PRCP: variants seen among roughly 807,000 people sequenced by gnomAD.
PRCP encodes the protein prolylcarboxypeptidase.
In PRCP, 46 loss-of-function variants were observed where a neutral mutation model predicts 54.2. The observed-to-expected ratio is 0.85, with a 90% CI of 0.67 to 1.09. The LOEUF is 1.09. Ranked by LOEUF, PRCP falls within the 50% of genes least tolerant of loss-of-function variation. The pLI is 0.00. For missense variants in PRCP, 613 were observed against 596.8 expected (o/e 1.03, Z -0.28); for synonymous variants, 240 against 212.2 (o/e 1.13, Z -1.14).
chr11:82,875,168 G>A (rs1194203080), intron 1 of PRCP, among the ~76,000 whole-genome samples: 1 of 152,174 alleles, frequency 6.6e-6, no homozygotes, highest in Non-Finnish European at 1.5e-5. Flanking sequence ...GAACCCTATG[G>A]AGTAGAGAGG....
Position 82,825,014 on chromosome 11 carries a change from G to C in PRCP, c.1383C>G (p.Thr461=). 6.2e-7 allele frequency: 1 copy of C among 1,614,122 alleles called. No individual in the cohort carries two copies. The highest frequency in any genetic ancestry group is 8.5e-7 in the Non-Finnish European group (1 of 1,180,002). The part of the protein sequence containing the change: ...SEGAHHLDLR[T]KNALDPMSVL... ...CAGACATAGGATCCAAGGCATTCTT[G>C]GTGCGGAGATCTAAGTGGTGGGCCC... Residue 461 remains threonine (T), a synonymous_variant, in exon 9 of 9, where the codon ACC becomes ACG. Coordinates refer to ENST00000313010, the MANE Select transcript of PRCP (RefSeq NM_005040.4).
At chr11:82,854,881 A>G (rs924649185) in intron 2 of PRCP, among the ~76,000 whole-genome samples, 1 of 152,196 alleles carries the variant, frequency 6.6e-6, no homozygotes, top group Non-Finnish European at 1.5e-5. Flanking sequence ...GCTTGCAACA[A>G]CCTGATCTTA....
chr11:82,900,264 T>C lies in PRCP; in HGVS notation c.139A>G (p.Asn47Asp). The C allele has an allele frequency of 1.9e-6, 3 of 1,614,174 alleles. No homozygotes were observed. Among genetic ancestry groups the C allele is most frequent in the Non-Finnish European group, 2.5e-6 (3 of 1,180,016 alleles). The change falls in exon 1 of 9, where the codon AAC (asparagine) becomes GAC (aspartate). Residue 47 changes from asparagine (N) to aspartate (D), a missense_variant. By Grantham distance (23) the Asn-to-Asp change is conservative. Coordinates refer to ENST00000313010, the MANE Select transcript of PRCP (RefSeq NM_005040.4). ...TGTTGGAAGTAGAGAACCGAATAGTTCTTGGCTACAGCCGGGAGGGATGTG... is the reference window on the plus strand; with the variant it reads ...TGTTGGAAGTAGAGAACCGAATAGTCCTTGGCTACAGCCGGGAGGGATGTG... ...NPTSLPAVAK[N>D]YSVLYFQQKV...
chr11:82,883,573 C>T (rs1333586576), intron 1 of PRCP, among the ~76,000 whole-genome samples: 2 of 152,136 alleles, frequency 1.3e-5, no homozygotes, highest in South Asian at 2.1e-4. Context: ...TCTAAGCCTA[C>T]ACTAGCTAAG....
At chr11:82,877,218 T>C (rs1859625925) in intron 1 of PRCP, among the ~76,000 whole-genome samples, 3 of 152,250 alleles carry the variant, frequency 2.0e-5, no homozygotes, top group Admixed American at 6.5e-5. Context: ...ACTTGGGTGC[T>C]GTTAAAAGCA....
chr11:82,850,604 T>A, intron 3 of PRCP, 99 bp from the exon 4 acceptor site: 2 of 992,276 alleles, frequency 2.0e-6, no homozygotes, highest in East Asian at 2.9e-5. Flanking sequence ...GATAAGCTTT[T>A]CTCTAAATAG....
At chr11:82,856,942 A>G (rs1019932074) in intron 2 of PRCP, among the ~76,000 whole-genome samples, 2 of 150,350 alleles carry the variant, frequency 1.3e-5, no homozygotes, top group African/African-American at 4.9e-5. Context: ...AGGCTGAGGC[A>G]GGAAAATGGC....
intron 1 of PRCP, among the ~76,000 whole-genome samples, 177 bp from the exon 2 acceptor site, chr11:82,860,294 T>G (rs1172572363): frequency 6.6e-6 from 1 of 151,934 alleles, no homozygotes; most frequent in Admixed American, 6.6e-5. Flanking sequence ...TTGAAATCAT[T>G]TCCTTATATT....
At chr11:82,888,057 A>T (rs974953208) in intron 1 of PRCP, among the ~76,000 whole-genome samples, 6 of 152,162 alleles carry the variant, frequency 3.9e-5, no homozygotes, top group Non-Finnish European at 8.8e-5. Flanking sequence ...CTCCCATATC[A>T]CATAAAACTG....
At chr11:82,898,293 A>T (rs1450780121) in intron 1 of PRCP, among the ~76,000 whole-genome samples, 1 of 152,236 alleles carries the variant, frequency 6.6e-6, no homozygotes, top group African/African-American at 2.4e-5. Flanking sequence ...TATCATCAAA[A>T]ATGGAAAAAG....
chr11:82,832,181 T>C (rs1412685748), intron 8 of PRCP, among the ~76,000 whole-genome samples: 1 of 152,182 alleles, frequency 6.6e-6, no homozygotes, highest in Non-Finnish European at 1.5e-5. Context: ...TAAACATACA[T>C]GTGCATGTGT....
intron 1 of PRCP, among the ~76,000 whole-genome samples, chr11:82,882,009 T>A (rs546830838): frequency 7.9e-5 from 12 of 152,300 alleles, no homozygotes; most frequent in Non-Finnish European, 1.5e-4. Flanking sequence ...ATAAGCTAGG[T>A]AAAAATGTTA....
intron 1 of PRCP, among the ~76,000 whole-genome samples, chr11:82,886,077 T>C (rs184999182): frequency 1.3e-5 from 2 of 152,308 alleles, no homozygotes; most frequent in Admixed American, 1.3e-4. Context: ...GATGCTAACA[T>C]AGTTCCCATT....
At chr11:82,868,748 T>A (rs1048164816) in intron 1 of PRCP, among the ~76,000 whole-genome samples, 12 of 152,088 alleles carry the variant, frequency 7.9e-5, no homozygotes, top group Non-Finnish European at 1.6e-4. Context: ...GAGATTAGAC[T>A]CACTGGGCTG....
chr11:82,830,696 A>G (rs1365037290), intron 8 of PRCP: 3 of 151,584 alleles, frequency 2.0e-5, no homozygotes, highest in African/African-American at 7.3e-5. Context: ...TGTTAAAAAC[A>G]AAAAGGAACA....
intron 8 of PRCP, among the ~76,000 whole-genome samples, chr11:82,831,933 TG>T (rs1261057701): frequency 2.0e-5 from 3 of 152,164 alleles, no homozygotes; most frequent in African/African-American, 4.8e-5. Context: ...GTGTTCTCAT[TG>T]TTCAACTCAC....
At chr11:82,863,330 C>G (rs1474553453) in intron 1 of PRCP, among the ~76,000 whole-genome samples, 3 of 152,164 alleles carry the variant, frequency 2.0e-5, no homozygotes, top group Non-Finnish European at 4.4e-5. Context: ...ACTCTGGTGT[C>G]TAAAGATTTG....
chr11:82,857,492 T>G (rs932881702), intron 2 of PRCP, among the ~76,000 whole-genome samples: 1 of 152,046 alleles, frequency 6.6e-6, no homozygotes, highest in African/African-American at 2.4e-5. Flanking sequence ...TAGAACCATC[T>G]ATATCTGGTC....
At chr11:82,847,206 G>C (rs558951347) in intron 6 of PRCP, among the ~76,000 whole-genome samples, 1 of 152,302 alleles carries the variant, frequency 6.6e-6, no homozygotes, top group South Asian at 2.1e-4. Context: ...TGAGAATAAA[G>C]ATACAAATGT....
Sources: gnomAD v4.1 joint callset for allele counts (sites outside exome capture counted in the v4.1 genomes callset) on GRCh38, gnomAD v4.1.1 for gene constraint, MANE v1.5 for transcripts, NCBI Gene and HGNC (gene_info 2026-07-23, HGNC 2026-07-21) for gene names.